Variants in TBC1D4 observed in about 807,000 individuals in gnomAD.
The protein encoded by TBC1D4 is TBC1 domain family member 4, also known as TBC (Tre-2, BUB2, CDC16) domain-containing protein.
TBC1D4 carries 121 observed loss-of-function variants against 142.5 expected under a neutral mutation model. That is an observed-to-expected ratio of 0.85 (90% confidence interval 0.73 to 0.99). TBC1D4 has a LOEUF of 0.99. TBC1D4 is among the 50% of genes least tolerant of loss of function. The pLI is 0.00. For missense variants in TBC1D4, 1,475 were observed against 1,606.6 expected (o/e 0.92, Z 1.40); for synonymous variants, 630 against 628.2 (o/e 1.00, Z -0.04).
chr13:75,326,113 A>C, intron 10 of TBC1D4, 84 bp downstream of exon 10: 2 of 1,495,904 alleles, frequency 1.3e-6, no homozygotes, highest in East Asian at 4.7e-5. Flanking sequence ...TACAGCATAA[A>C]TTCACAATCC....
chr13:75,295,929 T>G (rs7984699), intron 17 of TBC1D4, among the ~76,000 whole-genome samples: 12,186 of 152,192 alleles, frequency 0.08, 703 homozygotes, highest in African/African-American at 0.16. Flanking sequence ...AAGAAATTAT[T>G]AAAACATCAC....
At chr13:75,325,785 C>T (rs1022009344) in intron 10 of TBC1D4, among the ~76,000 whole-genome samples, 1 of 152,046 alleles carries the variant, frequency 6.6e-6, no homozygotes, top group Non-Finnish European at 1.5e-5. Context: ...ATGAAAGTAA[C>T]TTAGGTGACT....
At chr13:75,394,649 C>A (rs982925) in intron 1 of TBC1D4, among the ~76,000 whole-genome samples, 1 of 151,878 alleles carries the variant, frequency 6.6e-6, no homozygotes, top group African/African-American at 2.4e-5. Flanking sequence ...ATACAATAGA[C>A]GCTAGATTTG....
chr13:75,476,320 T>G lies in TBC1D4; in HGVS notation c.498+4950A>C, dbSNP rs1313978262. ...TATACACATAGCCTCAAGGTAATTT[T>G]ATACAATATGTTTAATAATTTTGTG... On this transcript the variant is annotated intron_variant, in intron 1 of 20. Transcript: ENST00000377636. Among the ~76,000 whole-genome samples, 6 of 152,222 alleles carry G rather than the reference T, an allele frequency of 3.9e-5. No individual in the cohort carries two copies. In the East Asian group the frequency reaches 1.2e-3, roughly 29 times the overall value.
chr13:75,389,665 CATA>C (rs1278014201), intron 1 of TBC1D4, among the ~76,000 whole-genome samples: 5 of 151,868 alleles, frequency 3.3e-5, no homozygotes, highest in Admixed American at 6.6e-5. Context: ...TAAATATTGC[CATA>C]ATGTTAGGAA....
At chr13:75,376,743 C>T (rs1318622887) in intron 1 of TBC1D4, among the ~76,000 whole-genome samples, 7 of 152,096 alleles carry the variant, frequency 4.6e-5, no homozygotes, top group Non-Finnish European at 1.5e-5. Flanking sequence ...GGCAATAACC[C>T]ACAAGTAACC....
At chr13:75,388,288 T>C (rs1884293287) in intron 1 of TBC1D4, among the ~76,000 whole-genome samples, 1 of 152,212 alleles carries the variant, frequency 6.6e-6, no homozygotes, top group African/African-American at 2.4e-5. Flanking sequence ...ATTCATAGGT[T>C]CCTGGGATGA....
At chr13:75,411,675 C>A (rs1885671262) in intron 1 of TBC1D4, among the ~76,000 whole-genome samples, 1 of 151,956 alleles carries the variant, frequency 6.6e-6, no homozygotes, top group South Asian at 2.1e-4. Context: ...ACAAGCACAT[C>A]ACCATATCTG....
intron 1 of TBC1D4, among the ~76,000 whole-genome samples, chr13:75,473,833 C>A (rs1235692301): frequency 2.0e-5 from 3 of 152,098 alleles, no homozygotes; most frequent in African/African-American, 7.2e-5. Context: ...TCACAGATAT[C>A]AAAGACATAT....
At chr13:75,381,975 A>G (rs1883877873) in intron 1 of TBC1D4, among the ~76,000 whole-genome samples, 1 of 152,232 alleles carries the variant, frequency 6.6e-6, no homozygotes. Context: ...TATTTGTAAC[A>G]GCACAGAAAG....
At position 75,391,195 on chromosome 13, in the gene TBC1D4, T is replaced by TACACACAC. The variant is rs111629817; in HGVS notation, c.499-28596_499-28589dup. 4.1e-3 allele frequency among the ~76,000 whole-genome samples: 584 copies of TACACACAC among 142,010 alleles called. 4 individuals carry two copies. Among genetic ancestry groups the TACACACAC allele is most frequent in the East Asian group, 0.033 (154 of 4,700 alleles). 93.2% of individuals were successfully genotyped at this position (142,010 alleles called of 152,430 possible). On this transcript the variant is annotated intron_variant, in intron 1 of 20. Transcript: ENST00000377636. ...CTCTACTCTATCCTCCCCATCAGTT[T>TACACACAC]ACACACACACACACACACACACACA...
chr13:75,368,898 G>T (rs527468569), intron 1 of TBC1D4, among the ~76,000 whole-genome samples: 3 of 152,168 alleles, frequency 2.0e-5, no homozygotes, highest in African/African-American at 4.8e-5. Context: ...ACAAAAATTA[G>T]CCAGGCATGG....
At chr13:75,357,599 A>G (rs892672224) in intron 3 of TBC1D4, among the ~76,000 whole-genome samples, 3 of 152,216 alleles carry the variant, frequency 2.0e-5, no homozygotes, top group African/African-American at 7.2e-5. Context: ...TAGCTCGGAG[A>G]GTCCTGAGGC....
intron 1 of TBC1D4, among the ~76,000 whole-genome samples, chr13:75,424,549 C>G (rs1031778889): frequency 2.0e-5 from 3 of 151,690 alleles, no homozygotes; most frequent in Admixed American, 6.6e-5. Flanking sequence ...AGACCCAGAA[C>G]GACCAAAGCA....
intron 1 of TBC1D4, among the ~76,000 whole-genome samples, chr13:75,400,860 C>A (rs993455763): frequency 6.6e-6 from 1 of 152,096 alleles, no homozygotes; most frequent in Non-Finnish European, 1.5e-5. Flanking sequence ...CATATAGCAT[C>A]GATCAGTTCT....
intron 1 of TBC1D4, among the ~76,000 whole-genome samples, chr13:75,363,589 C>T (rs28880927): frequency 2.7e-4 from 41 of 151,250 alleles, no homozygotes; most frequent in Admixed American, 1.6e-3. Flanking sequence ...CCTTTCCAGA[C>T]GGATCCAAGG....
chr13:75,425,638 G>C (rs1481079488), intron 1 of TBC1D4, among the ~76,000 whole-genome samples: 1 of 152,022 alleles, frequency 6.6e-6, no homozygotes, highest in Non-Finnish European at 1.5e-5. Flanking sequence ...ATTCAGCCTG[G>C]GAAGCAAATC....
intron 9 of TBC1D4, among the ~76,000 whole-genome samples, chr13:75,327,470 C>T (rs951649456): frequency 2.6e-5 from 4 of 152,080 alleles, no homozygotes; most frequent in Non-Finnish European, 5.9e-5. Flanking sequence ...ATATATGGCT[C>T]ATTTTTTATA....
intron 1 of TBC1D4, among the ~76,000 whole-genome samples, chr13:75,418,780 C>G (rs1886033057): frequency 6.6e-6 from 1 of 152,184 alleles, no homozygotes; most frequent in Non-Finnish European, 1.5e-5. Flanking sequence ...CACAGATATT[C>G]TAACAACTCC....
Sources: allele counts gnomAD v4.1 joint callset (sites outside exome capture counted in the v4.1 genomes callset), GRCh38; gene constraint gnomAD v4.1.1; transcripts MANE v1.5; gene names NCBI Gene and HGNC (gene_info 2026-07-23, HGNC 2026-07-21).